SEMA6D: variants seen among roughly 807,000 people sequenced by gnomAD.
SEMA6D encodes semaphorin-6D.
Under a neutral mutation model 106.6 loss-of-function variants are expected in SEMA6D, and 35 were observed. The observed-to-expected ratio is 0.33, with a 90% CI of 0.25 to 0.44. SEMA6D has a LOEUF of 0.44. Ranked by LOEUF, SEMA6D falls within the 20% of genes least tolerant of loss-of-function variation. SEMA6D has a pLI of 1.00. For synonymous variants in SEMA6D, 499 were observed against 487.7 expected, an observed-to-expected ratio of 1.02 and a Z score of -0.31; for missense variants, 1,185 against 1,345.9, an observed-to-expected ratio of 0.88 and a Z score of 1.87.
At chr15:47,428,021 C>T (rs950943069) in intron 2 of SEMA6D, among the ~76,000 whole-genome samples, 53 of 151,986 alleles carry the variant, frequency 3.5e-4, no homozygotes, top group African/African-American at 1.2e-3. Flanking sequence ...TGAAATAGCT[C>T]ACCAGAAAAT....
At chr15:47,277,961 C>A (rs907704270) in intron 1 of SEMA6D, among the ~76,000 whole-genome samples, 39 of 151,958 alleles carry the variant, frequency 2.6e-4, no homozygotes, top group Non-Finnish European at 2.8e-4. Context: ...TTTATGGCTG[C>A]CTAGTATTCC....
intron 4 of SEMA6D, among the ~76,000 whole-genome samples, chr15:47,688,331 T>G (rs1426801245): frequency 6.6e-6 from 1 of 152,144 alleles, no homozygotes. Flanking sequence ...GGAGTCCTGG[T>G]GATGAGAAGG....
intron 4 of SEMA6D, among the ~76,000 whole-genome samples, chr15:47,668,031 C>A (rs2145329281): frequency 6.6e-6 from 1 of 152,228 alleles, no homozygotes; most frequent in East Asian, 1.9e-4. Flanking sequence ...TATTTGAATT[C>A]TTTAACGTTT....
intron 1 of SEMA6D, among the ~76,000 whole-genome samples, chr15:47,312,258 A>G (rs976214428): frequency 2.0e-5 from 3 of 151,254 alleles, no homozygotes; most frequent in African/African-American, 7.3e-5. Context: ...TCCTGTCTCC[A>G]TCATGTGAAC....
chr15:47,567,795 G>T (rs891872535), intron 3 of SEMA6D, among the ~76,000 whole-genome samples: 1 of 152,156 alleles, frequency 6.6e-6, no homozygotes, highest in African/African-American at 2.4e-5. Context: ...CTGGGATATG[G>T]TAGGCCCTTA....
At chr15:47,718,887 T>C (rs1431439888) in intron 1 of SEMA6D, 2 of 152,238 alleles carry the variant, frequency 1.3e-5, no homozygotes, top group Non-Finnish European at 2.9e-5. Context: ...GGGAAACTTT[T>C]ATTTCCCGTC....
rs117593016 is a variant in SEMA6D, at chr15:47,564,517, A to T, written c.-86-36348A>T. On this transcript the variant is annotated intron_variant, in intron 3 of 19. Coordinates refer to the SEMA6D transcript ENST00000558014. ...TTAAAACCTGACCTGATCTGAACTT[A>T]CTTGAACTGATATAAGACTATTTAT... Among the ~76,000 whole-genome samples the T allele has an allele frequency of 1.6e-3, 248 of 152,296 alleles. 1 individual carries two copies. Among genetic ancestry groups the T allele is most frequent in the Middle Eastern group, 3.4e-3 (1 of 294 alleles).
At chr15:47,769,355 G>A (rs1224699918) in intron 18 of SEMA6D, among the ~76,000 whole-genome samples, 2 of 152,054 alleles carry the variant, frequency 1.3e-5, no homozygotes, top group Non-Finnish European at 2.9e-5. Context: ...CTAAACTATG[G>A]TATCAGGTTT....
chr15:47,586,261 G>A (rs906178709), intron 3 of SEMA6D, among the ~76,000 whole-genome samples: 6 of 152,122 alleles, frequency 3.9e-5, no homozygotes, highest in Admixed American at 3.9e-4. Context: ...TGCTTAGCAG[G>A]CAACGGAATT....
At chr15:47,743,791 G>T (rs543587545) in intron 1 of SEMA6D, among the ~76,000 whole-genome samples, 25 of 152,170 alleles carry the variant, frequency 1.6e-4, no homozygotes, top group Non-Finnish European at 3.4e-4. Context: ...CCGAAATTTA[G>T]GGGGTTCAGA....
At chr15:47,305,160 T>A (rs11070577) in intron 1 of SEMA6D, among the ~76,000 whole-genome samples, 66,086 of 152,172 alleles carry the variant, frequency 0.43, 16,693 homozygotes, top group Non-Finnish European at 0.56. Flanking sequence ...TCTACACTTT[T>A]AAACAAGGTT....
intron 1 of SEMA6D, among the ~76,000 whole-genome samples, chr15:47,721,065 T>C (rs995016209): frequency 6.6e-6 from 1 of 152,232 alleles, no homozygotes; most frequent in African/African-American, 2.4e-5. Context: ...ATTTACTGAA[T>C]ATTTATCATT....
intron 1 of SEMA6D, among the ~76,000 whole-genome samples, chr15:47,235,172 C>A (rs1287381316): frequency 6.6e-6 from 1 of 151,984 alleles, no homozygotes; most frequent in Non-Finnish European, 1.5e-5. Flanking sequence ...AATTTTCCCA[C>A]TTTTTATGGG....
intron 3 of SEMA6D, among the ~76,000 whole-genome samples, chr15:47,583,431 T>A (rs2143001976): frequency 6.6e-6 from 1 of 152,310 alleles, no homozygotes; most frequent in East Asian, 1.9e-4. Flanking sequence ...AAGGATGTTC[T>A]CTGGGGATTC....
chr15:47,720,261 C>CTTTTTT (rs869122623), intron 1 of SEMA6D, among the ~76,000 whole-genome samples: 25 of 97,134 alleles, frequency 2.6e-4, no homozygotes, highest in East Asian at 9.3e-4. Flanking sequence ...AATAACCTTT[C>CTTTTTT]TTTTTTTTTT....
At chr15:47,690,766 T>C (rs2145753622) in intron 4 of SEMA6D, among the ~76,000 whole-genome samples, 1 of 151,680 alleles carries the variant, frequency 6.6e-6, no homozygotes, top group Non-Finnish European at 1.5e-5. Flanking sequence ...GAAATTGAAA[T>C]AGTCTTTTGT....
intron 1 of SEMA6D, among the ~76,000 whole-genome samples, chr15:47,381,683 C>G (rs971329347): frequency 1.3e-5 from 2 of 151,878 alleles, no homozygotes; most frequent in African/African-American, 2.4e-5. Flanking sequence ...CAGTTGTGAC[C>G]CAACTCTAAA....
At chr15:47,363,754 T>A (rs2038903259) in intron 1 of SEMA6D, among the ~76,000 whole-genome samples, 1 of 152,170 alleles carries the variant, frequency 6.6e-6, no homozygotes, top group African/African-American at 2.4e-5. Context: ...TTCATACTGC[T>A]ATAAAGAAAT....
intron 4 of SEMA6D, among the ~76,000 whole-genome samples, chr15:47,646,915 A>C (rs1054198167): frequency 2.6e-5 from 4 of 152,246 alleles, no homozygotes; most frequent in African/African-American, 9.6e-5. Context: ...TTGGCATTTA[A>C]GTTTCATCCA....
Sources: allele counts gnomAD v4.1 joint callset (sites outside exome capture counted in the v4.1 genomes callset), GRCh38; gene constraint gnomAD v4.1.1; transcripts MANE v1.5; gene names NCBI Gene and HGNC (gene_info 2026-07-23, HGNC 2026-07-21).